SMYD3: variants seen among roughly 807,000 people sequenced by gnomAD.
The protein encoded by SMYD3 is histone-lysine N-methyltransferase SMYD3.
SMYD3 carries 36 observed loss-of-function variants against 57.7 expected under a neutral mutation model. The ratio of observed to expected loss-of-function variants is 0.62; its 90% confidence interval spans 0.48 to 0.82. The LOEUF (loss-of-function observed/expected upper bound fraction) is 0.82. Among genes scored for constraint, SMYD3 ranks in the 40% least tolerant of loss-of-function variants. The pLI is 0.00. For missense variants in SMYD3, 515 were observed against 538.8 expected (o/e 0.96, Z 0.44); for synonymous variants, 211 against 195.0 (o/e 1.08, Z -0.68).
At chr1:246,109,239 T>C (rs11587656) in intron 5 of SMYD3, among the ~76,000 whole-genome samples, 71,369 of 152,102 alleles carry the variant, frequency 0.47, 20,722 homozygotes, top group Non-Finnish European at 0.66. Flanking sequence ...AACTGTACCA[T>C]GTTACAAACG....
intron 5 of SMYD3, among the ~76,000 whole-genome samples, chr1:246,039,641 C>T (rs1348273246): frequency 6.6e-6 from 1 of 152,174 alleles, no homozygotes; most frequent in African/African-American, 2.4e-5. Flanking sequence ...AGACTCACAG[C>T]ATGTGAGATC....
chr1:246,174,622 T>C (rs1558289439), intron 5 of SMYD3, among the ~76,000 whole-genome samples: 1 of 152,146 alleles, frequency 6.6e-6, no homozygotes. Context: ...AATTTTTGTA[T>C]TTTTAGTAGA....
chr1:246,182,724 T>G (rs2062573662), intron 5 of SMYD3, among the ~76,000 whole-genome samples: 1 of 152,194 alleles, frequency 6.6e-6, no homozygotes, highest in Non-Finnish European at 1.5e-5. Context: ...GAATCCTGTA[T>G]CTGGAAGACA....
chr1:246,111,700 C>T (rs754542421), intron 5 of SMYD3, among the ~76,000 whole-genome samples: 10 of 152,192 alleles, frequency 6.6e-5, no homozygotes, highest in African/African-American at 9.6e-5. Context: ...ATCCCCTTTG[C>T]GTCCCACAGC....
chr1:246,278,487 A>G (rs1242818205), intron 5 of SMYD3, among the ~76,000 whole-genome samples: 1 of 152,202 alleles, frequency 6.6e-6, no homozygotes, highest in Admixed American at 6.5e-5. Context: ...GACTTAATAA[A>G]GTACATGGTC....
At chr1:246,478,602 T>C (rs4654265) in intron 1 of SMYD3, among the ~76,000 whole-genome samples, 12,162 of 37,636 alleles carry the variant, frequency 0.32, 2,979 homozygotes, top group African/African-American at 0.53. Context: ...ACCTGTCCTC[T>C]GTCCTGGAGC....
At chr1:246,238,844 T>C (rs1572260968) in intron 5 of SMYD3, among the ~76,000 whole-genome samples, 1 of 151,870 alleles carries the variant, frequency 6.6e-6, no homozygotes, top group Non-Finnish European at 1.5e-5. Context: ...ACTTAACAAA[T>C]AGTTTTGGCT....
intron 10 of SMYD3, among the ~76,000 whole-genome samples, chr1:245,804,601 G>T (rs948200350): frequency 6.6e-6 from 1 of 152,192 alleles, no homozygotes; most frequent in Admixed American, 6.5e-5. Context: ...CACTGTAGTG[G>T]TAGTAAGAGT....
At chr1:246,388,113 G>A (rs571597234) in intron 1 of SMYD3, among the ~76,000 whole-genome samples, 208 of 91,124 alleles carry the variant, frequency 2.3e-3, no homozygotes, top group African/African-American at 8.8e-3. Flanking sequence ...AAATCACCTC[G>A]AGGTTGAAGT....
At chr1:246,487,738 A>T (rs2068209991) in intron 1 of SMYD3, among the ~76,000 whole-genome samples, 1 of 142,284 alleles carries the variant, frequency 7.0e-6, no homozygotes, top group Non-Finnish European at 1.5e-5. Context: ...CTTGTTGCCC[A>T]GGCTGGAGTG....
intron 5 of SMYD3, among the ~76,000 whole-genome samples, chr1:246,072,562 G>T (rs1465016091): frequency 2.6e-5 from 4 of 152,172 alleles, no homozygotes; most frequent in African/African-American, 9.7e-5. Flanking sequence ...GATTCACAAG[G>T]GGTAGACTTG....
chr1:246,374,078 T>C (rs998525807), intron 1 of SMYD3, among the ~76,000 whole-genome samples: 19 of 152,156 alleles, frequency 1.2e-4, no homozygotes, highest in Non-Finnish European at 2.2e-4. Context: ...TTTGCTGATG[T>C]AGCAAACACA....
chr1:246,201,854 A>G (rs2062927350), intron 5 of SMYD3, among the ~76,000 whole-genome samples: 1 of 152,252 alleles, frequency 6.6e-6, no homozygotes, highest in South Asian at 2.1e-4. Context: ...CTCTACTAAA[A>G]GTATAAAAAT....
chr1:246,194,040 G>A (rs952990352), intron 5 of SMYD3, among the ~76,000 whole-genome samples: 23 of 152,222 alleles, frequency 1.5e-4, no homozygotes, highest in East Asian at 5.8e-4. Flanking sequence ...AGAGAGGTAC[G>A]CTGTTTTTAT....
chr1:246,378,497 A>G lies in SMYD3; in HGVS notation c.165-23403T>C, dbSNP rs191586184. Among the ~76,000 whole-genome samples the G allele has an allele frequency of 3.0e-3, 449 of 151,270 alleles. 1 individual carries two copies. The highest frequency in any genetic ancestry group is 5.2e-3 in the Non-Finnish European group (350 of 67,956). Reference sequence around the variant, plus strand: ...GTCTCCCAGCCTACATCTTTCTCCCATGCAATGCTTCCTGCCCTTGAACAT... The same window carrying G: ...GTCTCCCAGCCTACATCTTTCTCCCGTGCAATGCTTCCTGCCCTTGAACAT... On this transcript the variant is annotated intron_variant, in intron 1 of 11. Coordinates refer to ENST00000490107, the MANE Select transcript of SMYD3 (RefSeq NM_001167740.2).
chr1:245,930,098 T>A (rs974640020), intron 5 of SMYD3, 161 bp from the exon 6 acceptor site: 3 of 661,608 alleles, frequency 4.5e-6, no homozygotes, highest in Non-Finnish European at 2.8e-6. Context: ...CAACAGAATT[T>A]ATCTGGGATA....
rs1394944553 is a variant in SMYD3 at position 246,326,297 on chromosome 1, T to A, written c.531+904A>T. 6 of 629,442 alleles carry A rather than the reference T, an allele frequency of 9.5e-6. No individual in the cohort carries two copies. In the East Asian group the frequency reaches 1.7e-4, roughly 18 times the overall value. The allele number at this position is 629,442 out of a possible 1,614,324, so 39.0% of individuals were successfully genotyped here. A position where few individuals can be genotyped will look rare whatever the true frequency, so the allele number is the denominator to read the frequency against. ...TTAAAACAAATGCAAACACACAATG[T>A]GAGAAAGCGAGGACAGCAGATCCAT... On this transcript the variant is annotated intron_variant, in intron 5 of 11. Coordinates refer to ENST00000490107, the MANE Select transcript of SMYD3 (RefSeq NM_001167740.2).
intron 5 of SMYD3, among the ~76,000 whole-genome samples, chr1:246,012,755 T>A (rs1416236099): frequency 6.6e-6 from 1 of 152,188 alleles, no homozygotes; most frequent in Non-Finnish European, 1.5e-5. Context: ...CTCCATCACA[T>A]ATGTTCTGAT....
chr1:246,235,207 C>T (rs1265817036), intron 5 of SMYD3, among the ~76,000 whole-genome samples: 2 of 152,132 alleles, frequency 1.3e-5, no homozygotes, highest in Non-Finnish European at 2.9e-5. Context: ...GAGTTAATAC[C>T]GCTTTCCCCA....
Sources: gnomAD v4.1 joint callset for allele counts (sites outside exome capture counted in the v4.1 genomes callset) on GRCh38, gnomAD v4.1.1 for gene constraint, MANE v1.5 for transcripts, NCBI Gene and HGNC (gene_info 2026-07-23, HGNC 2026-07-21) for gene names.